The following CHRD variants were observed in gnomAD, a reference collection of about 807,000 sequenced individuals.
CHRD encodes chordin.
A neutral mutation model predicts 113.7 loss-of-function variants in CHRD; 69 were observed. The ratio of observed to expected loss-of-function variants is 0.61; its 90% CI spans 0.50 to 0.74. The LOEUF is 0.74. CHRD is among the 30% of genes least tolerant of loss of function. The pLI is 0.00. For synonymous variants in CHRD, 561 were observed against 540.8 expected (o/e 1.04, Z -0.52); for missense variants, 1,194 against 1,295.8 (o/e 0.92, Z 1.21).
At position 184,380,809 on chromosome 3, in the gene CHRD, G is replaced by A. The variant is rs747284058; in HGVS notation, c.252+14G>A. Reference sequence around the variant, plus strand: ...GCCTGCGAGGCGGTGAGTGCACCCCGCGGCCGGCCCGGGCCCTGGCGGGTG... The same window carrying A: ...GCCTGCGAGGCGGTGAGTGCACCCCACGGCCGGCCCGGGCCCTGGCGGGTG... On this transcript the variant is annotated intron_variant, in intron 2 of 22. Transcript: ENST00000204604. The surrounding 1 kb of genome is among the most constrained non-coding windows in gnomAD (Gnocchi z 6.3). The A allele has an allele frequency of 2.4e-5, 37 of 1,568,948 alleles. No individual in the cohort carries two copies. Among genetic ancestry groups the A allele is most frequent in the Non-Finnish European group, 2.8e-5 (33 of 1,164,186 alleles).
chr3:184,382,698 G>A (rs765982871), exon 8 of CHRD: 1 of 1,613,934 alleles, frequency 6.2e-7, no homozygotes, highest in South Asian at 1.1e-5. Context: ...GCATCACCCT[G>A]CTCACTCTCA....
In CHRD at chr3:184,380,388, G is replaced by C; in HGVS notation, c.70G>C (p.Ala24Pro). 1 of 1,341,298 alleles carries C rather than the reference G, an allele frequency of 7.5e-7. No homozygotes were observed. Among genetic ancestry groups the C allele is most frequent in the Admixed American group, 3.0e-5 (1 of 33,420 alleles). The allele number at this position is 1,341,298 out of a possible 1,614,324, so 83.1% of individuals were successfully genotyped here. Residue 24 changes from alanine to proline, a missense_variant, in exon 1 of 23, where the codon GCC becomes CCC. Physicochemically the swap from Ala to Pro is conservative, Grantham distance 27 (BLOSUM62 -1). Transcript: ENST00000204604. The surrounding 1 kb of genome is among the most constrained non-coding windows in gnomAD (Gnocchi z 6.3). ...GCTGCTGCTGCTCGGCTCCCGGCCG[G>C]CCCGCGGCGCCGGCCCAGAGCCCCC... is the stretch of plus-strand genomic sequence containing the variant.
chr3:184,389,083 T>C lies in CHRD; in HGVS notation c.2812+88T>C, dbSNP rs1049499287. On this transcript the variant is annotated intron_variant, in intron 22 of 22. Transcript: ENST00000204604. The stretch of plus-strand genomic sequence containing the variant: ...TGATCAGGGAAGGGAGCACTCACTG[T>C]GTGCAGGAACAGTGCAGCCTGCCTC... 1.2e-5 allele frequency: 11 copies of C among 951,486 alleles called. No individual in the cohort carries two copies. In the Admixed American group the frequency reaches 1.4e-4, roughly 12 times the overall value. 58.9% of individuals were successfully genotyped at this position (951,486 alleles called of 1,614,324 possible).
In CHRD at chr3:184,381,051, G is replaced by A. The variant is rs1230821371; in HGVS notation, c.253-184G>A. ...TCTCATGGCAGCCTTGCTAGATAGA[G>A]AGTATTATTATCCCCATTTTCCAGA... On this transcript the variant is annotated intron_variant, in intron 2 of 22. Transcript: ENST00000204604. The surrounding 1 kb of genome is among the most constrained non-coding windows in gnomAD (Gnocchi z 4.7). The A allele has an allele frequency of 1.3e-6, 1 of 772,640 alleles. No individual in the cohort carries two copies. The highest frequency in any genetic ancestry group is 2.2e-4 in the Middle Eastern group (1 of 4,518). The allele number at this position is 772,640 out of a possible 1,614,324, so 47.9% of individuals were successfully genotyped here. A position where few individuals can be genotyped will look rare whatever the true frequency, so the allele number is the denominator to read the frequency against.
exon 7 of CHRD, chr3:184,382,464 G>A: frequency 6.2e-7 from 1 of 1,614,116 alleles, no homozygotes; most frequent in Non-Finnish European, 8.5e-7. Context: ...TGTGGCACTT[G>A]TGACACTCAC....
Position 184,388,035 on chromosome 3 carries a change from T to A in CHRD, c.2554+2T>A, listed in dbSNP as rs766433930. The A allele has an allele frequency of 6.2e-7, 1 of 1,612,294 alleles. No individual in the cohort carries two copies. ...CCGACTGCTGCAAACAGTGTCCAGG[T>A]GAGAGAGGTGGCTGAGCACTGAGGC... On this transcript the variant is annotated splice_donor_variant, in intron 20 of 22. Transcript: ENST00000204604. LOFTEE classifies it high-confidence loss of function. The surrounding 1 kb of genome is among the most constrained non-coding windows in gnomAD (Gnocchi z 6.1).
At chr3:184,386,748 C>T (rs748809890) in exon 16 of CHRD, 3 of 1,613,074 alleles carry the variant, frequency 1.9e-6, no homozygotes, top group Admixed American at 1.7e-5. Flanking sequence ...TCACTCTGCA[C>T]CTGCCAGGTA....
At chr3:184,382,113 A>G in intron 6 of CHRD, 93 bp downstream of exon 6, 2 of 1,495,396 alleles carry the variant, frequency 1.3e-6, no homozygotes, top group African/African-American at 1.4e-5. Flanking sequence ...ACCACAGCCC[A>G]GTGGGAGGAA....
chr3:184,382,551 G>A, intron 7 of CHRD, 21 bp downstream of exon 7: 2 of 1,613,332 alleles, frequency 1.2e-6, no homozygotes, highest in Non-Finnish European at 8.5e-7. Flanking sequence ...AAGAGCCCCG[G>A]GCGTGAAGTT....
In CHRD at chr3:184,381,530, G is replaced by C. The variant is rs1442075642; in HGVS notation, c.417G>C (p.Leu139=). The change falls in exon 4 of 23, where the codon CTG becomes CTC. Residue 139 remains leucine (L), a synonymous_variant. Coordinates refer to ENST00000204604, the Ensembl canonical transcript of CHRD. The surrounding 1 kb of genome is among the most constrained non-coding windows in gnomAD (Gnocchi z 4.7). ...GTTCGGAGCGGCAGCCGAGCGGCCT[G>C]TCCTTCGAGTATCCGCGGGACCCGG... is the stretch of plus-strand genomic sequence containing the variant. The C allele has an allele frequency of 1.9e-6, 3 of 1,605,928 alleles. No individual in the cohort carries two copies. Among genetic ancestry groups the C allele is most frequent in the Non-Finnish European group, 2.5e-6 (3 of 1,176,926 alleles).
Position 184,387,399 on chromosome 3 carries a change from C to T in CHRD, c.2373C>T (p.Ser791=). ...GCTGCTATTTTGATGGTGACCGGAG[C>T]TGGCGGGCAGCGGGTACGCGGTGGC... Residue 791 remains serine, a synonymous_variant, in exon 19 of 23, where the codon AGC becomes AGT. Transcript: ENST00000204604. The surrounding 1 kb of genome is among the most constrained non-coding windows in gnomAD (Gnocchi z 6.1). The T allele has an allele frequency of 1.2e-6, 2 of 1,612,752 alleles. No individual in the cohort carries two copies. Among genetic ancestry groups the T allele is most frequent in the South Asian group, 1.1e-5 (1 of 90,882 alleles).
chr3:184,382,037 T>G lies in CHRD; in HGVS notation c.699+17T>G. 1.2e-6 allele frequency: 2 copies of G among 1,613,088 alleles called. No individual in the cohort carries two copies. Among genetic ancestry groups the G allele is most frequent in the Non-Finnish European group, 8.5e-7 (1 of 1,179,864 alleles). ...GATGGCCTGGTGAGATGATGCCATT[T>G]ATGAGCACTTGCCCAGTCTGGGCAC... On this transcript the variant is annotated intron_variant, in intron 6 of 22. Transcript: ENST00000204604.
chr3:184,380,360 C>T lies in CHRD; in HGVS notation c.42C>T (p.Leu14=), dbSNP rs1715091878. 2 of 1,351,814 alleles carry T rather than the reference C, an allele frequency of 1.5e-6. No homozygotes were observed. The highest frequency in any genetic ancestry group is 1.9e-6 in the Non-Finnish European group (2 of 1,041,334). 83.7% of individuals were successfully genotyped at this position (1,351,814 alleles called of 1,614,324 possible). Residue 14 remains leucine (L), a synonymous_variant, in exon 1 of 23, where the codon CTC becomes CTT. Transcript: ENST00000204604. The surrounding 1 kb of genome is among the most constrained non-coding windows in gnomAD (Gnocchi z 6.3). ...CCCCGCCGGCCCCGCTGCTGCTCCT[C>T]GGGCTGCTGCTGCTCGGCTCCCGGC...
exon 17 of CHRD, chr3:184,386,883 G>T (rs764300411): frequency 6.2e-7 from 1 of 1,614,070 alleles, no homozygotes; most frequent in Non-Finnish European, 8.5e-7. Flanking sequence ...TGTGCCCACC[G>T]CCCAGCTGCC....
At chr3:184,383,395 G>A (rs1215757816) in exon 11 of CHRD, 1 of 1,613,958 alleles carries the variant, frequency 6.2e-7, no homozygotes, top group African/African-American at 1.3e-5. Flanking sequence ...CACGCTGCTA[G>A]GAAATGGCTC....
chr3:184,384,554 T>C lies in CHRD; in HGVS notation c.1458T>C (p.Pro486=), dbSNP rs1232348098. The C allele has an allele frequency of 5.1e-6, 8 of 1,578,248 alleles. No individual in the cohort carries two copies. The South Asian group carries it at 9.4e-5, about 18-fold the overall frequency. Residue 486 remains proline, a synonymous_variant, in exon 13 of 23, where the codon CCT becomes CCC. Coordinates refer to ENST00000204604, the Ensembl canonical transcript of CHRD. The surrounding 1 kb of genome is among the most constrained non-coding windows in gnomAD (Gnocchi z 4.4). Reference sequence around the variant, plus strand: ...GCCCCCAGGCCGTGGGTATCTGCCCTGGGCTGGGTGCCCGAGGGGCTCATA... The same window carrying C: ...GCCCCCAGGCCGTGGGTATCTGCCCCGGGCTGGGTGCCCGAGGGGCTCATA...
rs376404703 is a variant in CHRD at position 184,382,543 on chromosome 3, G to GA, written c.841+14dup. The GA allele has an allele frequency of 4.7e-5, 76 of 1,613,622 alleles. No homozygotes were observed. In the African/African-American group the frequency reaches 7.9e-4, roughly 17 times the overall value. The stretch of plus-strand genomic sequence containing the variant: ...GCCCTGGCTGCAGGTAGGGAGCAAA[G>GA]AGCCCCGGGCGTGAAGTTCTGAGTC... On this transcript the variant is annotated intron_variant, in intron 7 of 22. Transcript: ENST00000204604.
At chr3:184,386,919 G>A in exon 17 of CHRD, 1 of 1,614,218 alleles carries the variant, frequency 6.2e-7, no homozygotes, top group Non-Finnish European at 8.5e-7. Flanking sequence ...CTCCCGACCA[G>A]TGCTGCCCTG....
rs779649069 is a variant in CHRD, at chr3:184,385,161, A to G, written c.1741A>G (p.Thr581Ala). 6.2e-7 allele frequency: 1 copy of G among 1,613,998 alleles called. No individual in the cohort carries two copies. Among genetic ancestry groups the G allele is most frequent in the East Asian group, 2.2e-5 (1 of 44,880 alleles). Residue 581 changes from threonine to alanine, a missense_variant, in exon 14 of 23, where the codon ACT (threonine) becomes GCT (alanine). Thr to Ala is a moderately conservative substitution (Grantham distance 58). Coordinates refer to ENST00000204604, the Ensembl canonical transcript of CHRD. Reference sequence around the variant, plus strand: ...TGGGCTTGGTGGCTCAGAACAAGGCACTGTCACTGCCCACCTCCTTGGGCC... The same window carrying G: ...TGGGCTTGGTGGCTCAGAACAAGGCGCTGTCACTGCCCACCTCCTTGGGCC...
Sources: gnomAD v4.1 joint callset for allele counts on GRCh38, gnomAD v4.1.1 for gene constraint, Gnocchi (gnomAD v3.1) non-coding constraint, MANE v1.5 for transcripts, NCBI Gene and HGNC (gene_info 2026-07-23, HGNC 2026-07-21) for gene names.